The following ST6GALNAC3 variants were observed in gnomAD, a reference collection of about 807,000 sequenced individuals.
ST6GALNAC3 encodes the protein ST6 N-acetylgalactosaminide alpha-2,6-sialyltransferase 3, also known as alpha-N-acetylgalactosaminide alpha-2,6-sialyltransferase 3.
Under a neutral mutation model 32.7 loss-of-function variants are expected in ST6GALNAC3, and 25 were observed. The ratio of observed to expected loss-of-function variants is 0.76; its 90% CI spans 0.56 to 1.07. The LOEUF is 1.07. Among genes scored for constraint, ST6GALNAC3 ranks in the 50% least tolerant of loss-of-function variants. ST6GALNAC3 has a pLI of 0.00. For missense variants in ST6GALNAC3, 355 were observed against 382.4 expected, an observed-to-expected ratio of 0.93 and a Z score of 0.60; for synonymous variants, 129 against 133.1, an observed-to-expected ratio of 0.97 and a Z score of 0.21.
chr1:76,232,115 C>A (rs559275262), intron 1 of ST6GALNAC3, among the ~76,000 whole-genome samples: 1 of 152,156 alleles, frequency 6.6e-6, no homozygotes, highest in East Asian at 1.9e-4. Flanking sequence ...CCTCACTCTG[C>A]GGCACACTGT....
At chr1:76,616,593 A>G (rs531085632) in intron 3 of ST6GALNAC3, among the ~76,000 whole-genome samples, 11 of 152,332 alleles carry the variant, frequency 7.2e-5, no homozygotes, top group South Asian at 2.1e-4. Context: ...AAGGTAGTCA[A>G]TTAATGTCAG....
intron 1 of ST6GALNAC3, among the ~76,000 whole-genome samples, chr1:76,086,162 C>A (rs1230794337): frequency 1.3e-5 from 2 of 152,198 alleles, no homozygotes; most frequent in Admixed American, 6.5e-5. Flanking sequence ...TTGGACCCCC[C>A]ACTTCTTTGC....
chr1:76,525,809 A>ATATATATATATACG (rs1662869944), intron 3 of ST6GALNAC3, among the ~76,000 whole-genome samples: 1 of 131,730 alleles, frequency 7.6e-6, no homozygotes, highest in Admixed American at 7.7e-5. Flanking sequence ...ATATATATAT[A>ATATATATATATACG]TATATATATA....
intron 3 of ST6GALNAC3, among the ~76,000 whole-genome samples, chr1:76,617,021 C>T (rs1158867881): frequency 6.6e-6 from 1 of 152,094 alleles, no homozygotes; most frequent in Non-Finnish European, 1.5e-5. Flanking sequence ...AGTACTGGAG[C>T]CCTAAGCAAC....
chr1:76,437,392 G>C (rs1656213149), intron 3 of ST6GALNAC3, among the ~76,000 whole-genome samples: 1 of 152,096 alleles, frequency 6.6e-6, no homozygotes, highest in Non-Finnish European at 1.5e-5. Context: ...CCTCTCAGCA[G>C]CCCTGTTCAG....
intron 3 of ST6GALNAC3, among the ~76,000 whole-genome samples, chr1:76,511,122 G>A (rs1178106932): frequency 6.6e-6 from 1 of 151,976 alleles, no homozygotes; most frequent in South Asian, 2.1e-4. Flanking sequence ...AGGGTCTTTT[G>A]CCAAAGCTTC....
At chr1:76,616,772 G>A (rs1368518881) in intron 3 of ST6GALNAC3, among the ~76,000 whole-genome samples, 2 of 152,086 alleles carry the variant, frequency 1.3e-5, no homozygotes, top group East Asian at 1.9e-4. Flanking sequence ...TGGGGTTGCT[G>A]GGGGTATCAC....
chr1:76,584,226 G>C (rs984799194), intron 3 of ST6GALNAC3, among the ~76,000 whole-genome samples: 2 of 152,224 alleles, frequency 1.3e-5, no homozygotes, highest in Admixed American at 6.5e-5. Context: ...GATGATGTCA[G>C]ATGTTGAACA....
At chr1:76,472,205 T>G (rs918721503) in intron 3 of ST6GALNAC3, among the ~76,000 whole-genome samples, 6 of 152,128 alleles carry the variant, frequency 3.9e-5, no homozygotes, top group African/African-American at 1.4e-4. Flanking sequence ...AAGAAAAGAT[T>G]CATTTACTTG....
chr1:76,315,140 T>C (rs1003705140), intron 2 of ST6GALNAC3, among the ~76,000 whole-genome samples: 6 of 152,156 alleles, frequency 3.9e-5, no homozygotes, highest in African/African-American at 1.4e-4. Context: ...GTTTATCCTC[T>C]AATTGGTTTT....
chr1:76,139,601 A>G (rs1400177779), intron 1 of ST6GALNAC3, among the ~76,000 whole-genome samples: 4 of 152,196 alleles, frequency 2.6e-5, no homozygotes, highest in Non-Finnish European at 5.9e-5. Context: ...AGATTCTCAG[A>G]GAGAGGGAGA....
intron 1 of ST6GALNAC3, among the ~76,000 whole-genome samples, chr1:76,163,914 A>C (rs1160211521): frequency 6.6e-6 from 1 of 152,190 alleles, no homozygotes; most frequent in Non-Finnish European, 1.5e-5. Flanking sequence ...TGCATGCCAG[A>C]ACTCAAAAGC....
chr1:76,144,779 C>G (rs1650572419), intron 1 of ST6GALNAC3, among the ~76,000 whole-genome samples: 1 of 152,182 alleles, frequency 6.6e-6, no homozygotes, highest in South Asian at 2.1e-4. Context: ...GTCCTGAAGT[C>G]TGATAGCTTC....
At chr1:76,319,480 A>G (rs1256079308) in intron 2 of ST6GALNAC3, among the ~76,000 whole-genome samples, 1 of 152,220 alleles carries the variant, frequency 6.6e-6, no homozygotes, top group African/African-American at 2.4e-5. Context: ...AATTATGGTT[A>G]TAGTAACAAT....
chr1:76,517,075 TC>T (rs1424622924), intron 3 of ST6GALNAC3, among the ~76,000 whole-genome samples: 2 of 151,918 alleles, frequency 1.3e-5, no homozygotes, highest in Non-Finnish European at 2.9e-5. Context: ...TCTTTGGGAT[TC>T]TTGCCTATTT....
intron 3 of ST6GALNAC3, among the ~76,000 whole-genome samples, chr1:76,521,578 C>T (rs1006634812): frequency 2.0e-5 from 3 of 152,052 alleles, no homozygotes; most frequent in African/African-American, 7.2e-5. Flanking sequence ...TTTTTTCCTT[C>T]ATTTCTGCAT....
intron 3 of ST6GALNAC3, among the ~76,000 whole-genome samples, chr1:76,525,810 T>TATAC (rs1557529045): frequency 2.4e-5 from 3 of 126,826 alleles, no homozygotes; most frequent in Non-Finnish European, 5.2e-5. Flanking sequence ...TATATATATA[T>TATAC]ATATATATAT....
chr1:76,390,212 G>A (rs1557846458), intron 2 of ST6GALNAC3, among the ~76,000 whole-genome samples: 2 of 151,936 alleles, frequency 1.3e-5, no homozygotes, highest in Admixed American at 6.6e-5. Context: ...TTTCTTAATT[G>A]GGTATGCATG....
Position 76,115,547 on chromosome 1 carries a change from A to T in ST6GALNAC3, c.18+40663A>T, listed in dbSNP as rs145412532. On this transcript the variant is annotated intron_variant, in intron 1 of 4. Coordinates refer to ENST00000328299, the MANE Select transcript of ST6GALNAC3 (RefSeq NM_152996.4). ...ATTTTAGGTTAAAAAGAACCTTGAT[A>T]TTGTGGGATTTCTGGTTTTCAGATG... Among the ~76,000 whole-genome samples, 307 of 152,290 alleles carry T rather than the reference A, an allele frequency of 2.0e-3. 7 individuals carry two copies. Among genetic ancestry groups the T allele is most frequent in the African/African-American group, 7.1e-3 (297 of 41,556 alleles).
Sources: allele counts gnomAD v4.1 joint callset (sites outside exome capture counted in the v4.1 genomes callset), GRCh38; gene constraint gnomAD v4.1.1; transcripts MANE v1.5; gene names NCBI Gene and HGNC (gene_info 2026-07-23, HGNC 2026-07-21).